MIA2: variants seen among roughly 807,000 people sequenced by gnomAD.
MIA2 encodes MIA SH3 domain ER export factor 2, also known as melanoma inhibitory activity protein 2.
A neutral mutation model predicts 167.8 loss-of-function variants in MIA2; 127 were observed. The ratio of observed to expected loss-of-function variants is 0.76; its 90% CI spans 0.66 to 0.88. The LOEUF is 0.88. Among genes scored for constraint, MIA2 ranks in the 40% least tolerant of loss-of-function variants. The pLI is 0.00. For missense variants in MIA2, 1,690 were observed against 1,624.7 expected (o/e 1.04, Z -0.69); for synonymous variants, 552 against 541.9 (o/e 1.02, Z -0.26).
chr14:39,274,932 G>C (rs1381424030), intron 6 of MIA2, among the ~76,000 whole-genome samples: 4 of 150,120 alleles, frequency 2.7e-5, no homozygotes, highest in Non-Finnish European at 4.4e-5. Context: ...AAAACTAGCC[G>C]GGCATGGTGG....
chr14:39,278,163 C>T (rs769296325), intron 7 of MIA2, among the ~76,000 whole-genome samples: 22 of 151,706 alleles, frequency 1.5e-4, no homozygotes, highest in African/African-American at 3.6e-4. Context: ...TTTGTAGAGA[C>T]GGGTTTCACT....
chr14:39,240,758 A>G, intron 3 of MIA2, 111 bp downstream of exon 3: 1 of 650,232 alleles, frequency 1.5e-6, no homozygotes. Flanking sequence ...AAATGCATAA[A>G]ATAGTTGGCC....
chr14:39,341,160 G>A (rs933650521), intron 25 of MIA2, among the ~76,000 whole-genome samples: 14 of 152,122 alleles, frequency 9.2e-5, no homozygotes, highest in Admixed American at 7.2e-4. Flanking sequence ...AAATTAGCCG[G>A]GTGTGGTGGC....
At chr14:39,297,192 C>T (rs1361964827) in intron 13 of MIA2, among the ~76,000 whole-genome samples, 1 of 151,948 alleles carries the variant, frequency 6.6e-6, no homozygotes, top group East Asian at 1.9e-4. Flanking sequence ...TGCCCGGGTT[C>T]AAGTGATTCT....
At chr14:39,277,683 T>C (rs1470998352) in intron 7 of MIA2, among the ~76,000 whole-genome samples, 1 of 10,300 alleles carries the variant, frequency 9.7e-5, no homozygotes, top group East Asian at 6.2e-3. Context: ...TATATATATA[T>C]ATATGTGTGT....
intron 25 of MIA2, among the ~76,000 whole-genome samples, chr14:39,329,281 A>G (rs981506864): frequency 6.6e-6 from 1 of 152,120 alleles, no homozygotes; most frequent in Non-Finnish European, 1.5e-5. Context: ...GTATATAGGA[A>G]TGCTTGTGAT....
intron 25 of MIA2, among the ~76,000 whole-genome samples, chr14:39,333,077 T>A (rs926471157): frequency 1.3e-5 from 2 of 152,188 alleles, no homozygotes; most frequent in Admixed American, 6.5e-5. Flanking sequence ...GCATTTTTTT[T>A]AAACCATTGA....
At chr14:39,386,802 T>A in intron 23 of MIA2, 1 of 1,030,930 alleles carries the variant, frequency 9.7e-7, no homozygotes, top group Non-Finnish European at 1.5e-6. Context: ...TAGATTAGTG[T>A]CACCATTACT....
In MIA2 at chr14:39,313,593, C is replaced by G. The variant is rs971819814; in HGVS notation, c.3119+152C>G. ...AAAAAATAATATATTTTTGTCTCAT[C>G]ACTTTTCATTCAGATTTCTTGGTCT... On this transcript the variant is annotated intron_variant, in intron 19 of 28. Transcript: ENST00000640607. The G allele has an allele frequency of 4.4e-5, 20 of 459,274 alleles. No individual in the cohort carries two copies. In the South Asian group the frequency reaches 7.4e-4, roughly 17 times the overall value. 28.4% of individuals were successfully genotyped at this position (459,274 alleles called of 1,614,324 possible).
At chr14:39,342,258 A>T (rs1020040238) in intron 25 of MIA2, among the ~76,000 whole-genome samples, 1 of 148,572 alleles carries the variant, frequency 6.7e-6, no homozygotes, top group East Asian at 2.0e-4. Flanking sequence ...GAGAACATGC[A>T]GTGTTTGGTT....
rs1391542031 is a variant in MIA2 at position 39,334,633 on chromosome 14, C to A, written c.3655+7611C>A. Among the ~76,000 whole-genome samples, 4 of 151,376 alleles carry A rather than the reference C, an allele frequency of 2.6e-5. No homozygotes were observed. The South Asian group carries it at 8.3e-4, about 31-fold the overall frequency. Reference sequence around the variant, plus strand: ...CCAGGCTGGGGTGCAATGGTGCCATCTCAGCTCACTGCAACCTCTGCCTCC... The same window carrying A: ...CCAGGCTGGGGTGCAATGGTGCCATATCAGCTCACTGCAACCTCTGCCTCC... On this transcript the variant is annotated intron_variant, in intron 25 of 28. Coordinates refer to ENST00000640607, the MANE Select transcript of MIA2 (RefSeq NM_001329214.4).
chr14:39,306,704 A>C (rs1334893765), intron 17 of MIA2, among the ~76,000 whole-genome samples: 1 of 152,216 alleles, frequency 6.6e-6, no homozygotes, highest in Non-Finnish European at 1.5e-5. Flanking sequence ...TACTGTTTCC[A>C]AAACTTCCCT....
chr14:39,365,114 G>T (rs1237767269), intron 23 of MIA2, among the ~76,000 whole-genome samples: 1 of 151,498 alleles, frequency 6.6e-6, no homozygotes, highest in South Asian at 2.1e-4. Context: ...TGCACAGACT[G>T]GAGTGCAGTG....
chr14:39,246,867 T>C (rs1414732015), intron 3 of MIA2, 44 bp from the exon 4 acceptor site: 8 of 1,094,758 alleles, frequency 7.3e-6, no homozygotes, highest in Non-Finnish European at 9.0e-6. Context: ...AACAAGGAGC[T>C]CTAGTACATT....
chr14:39,276,853 A>G (rs1370386999), intron 6 of MIA2, 81 bp from the exon 7 acceptor site: 1 of 1,493,330 alleles, frequency 6.7e-7, no homozygotes, highest in Non-Finnish European at 9.1e-7. Flanking sequence ...TGTGTTGACC[A>G]CATAAACTTG....
rs150263145 is a variant in MIA2, at chr14:39,283,006, A to G, written c.2130+3469A>G. Among the ~76,000 whole-genome samples, 1,349 of 152,296 alleles carry G rather than the reference A, an allele frequency of 8.9e-3. 19 individuals are homozygous for G. The highest frequency in any genetic ancestry group is 0.031 in the African/African-American group (1,281 of 41,558). ...GATCATGCAATATTTTTCTTTCTAT[A>G]TCTGGCTTATTTTACTTAGCAAAAT... is the stretch of plus-strand genomic sequence containing the variant. On this transcript the variant is annotated intron_variant, in intron 9 of 28. Transcript: ENST00000640607.
At chr14:39,288,464 TATA>T (rs1456795123) in intron 9 of MIA2, among the ~76,000 whole-genome samples, 14 of 30,398 alleles carry the variant, frequency 4.6e-4, no homozygotes, top group South Asian at 1.4e-3. Flanking sequence ...TATATATATA[TATA>T]TATATATATT....
chr14:39,252,808 C>G lies in MIA2; in HGVS notation c.1628C>G (p.Ser543Ter). 6.2e-7 allele frequency: 1 copy of G among 1,613,940 alleles called. No homozygotes were observed. The highest frequency in any genetic ancestry group is 8.5e-7 in the Non-Finnish European group (1 of 1,179,880). The change falls in exon 5 of 29, where the codon TCA (serine) becomes TGA (stop). Residue 543 changes from serine (S) to a stop codon, truncating the protein, a stop_gained. Coordinates refer to ENST00000640607, the MANE Select transcript of MIA2 (RefSeq NM_001329214.4). LOFTEE classifies it high-confidence loss of function. Reference protein sequence around the residue: ...RIHEEVYFEPSSSKDSDENSK... With the variant: ...RIHEEVYFEP ...CACGAAGAAGTATATTTTGAACCCT[C>G]ATCTTCTAAAGATAGTGATGAAAAT...
chr14:39,237,262 G>A (rs1223540849), intron 2 of MIA2: 3 of 595,122 alleles, frequency 5.0e-6, no homozygotes, highest in Admixed American at 5.0e-5. Context: ...TGAGTAGCTG[G>A]GACTACAGGT....
Sources: gnomAD v4.1 joint callset for allele counts (sites outside exome capture counted in the v4.1 genomes callset) on GRCh38, gnomAD v4.1.1 for gene constraint, MANE v1.5 for transcripts, NCBI Gene and HGNC (gene_info 2026-07-23, HGNC 2026-07-21) for gene names.